The following PLD5 variants were observed in gnomAD, a reference collection of about 807,000 sequenced individuals.
PLD5 encodes the protein inactive phospholipase D5.
In PLD5, 36 loss-of-function variants were observed where a neutral mutation model predicts 61.1. The observed-to-expected ratio is 0.59, with a 90% CI of 0.45 to 0.78. The LOEUF (loss-of-function observed/expected upper bound fraction) is 0.78, where lower values mean the gene tolerates loss of function less well. PLD5 is among the 30% of genes least tolerant of loss of function. The probability of loss-of-function intolerance (pLI) is 0.00; values close to 1 mark genes in which losing one functional copy is unlikely to be tolerated. For missense variants in PLD5, 515 were observed against 644.4 expected, an observed-to-expected ratio of 0.80 and a Z score of 2.17; for synonymous variants, 243 against 242.8, an observed-to-expected ratio of 1.00 and a Z score of -0.01.
At chr1:242,526,316 G>C (rs115480209), upstream of PLD5, among the ~76,000 whole-genome samples, 4,066 of 152,264 alleles carry the variant, frequency 0.027, 185 homozygotes, top group African/African-American at 0.093. Flanking sequence ...AGCCTGGGAA[G>C]AGGAGGCAAC....
chr1:242,308,172 C>T (rs1325214606), intron 2 of PLD5, among the ~76,000 whole-genome samples: 2 of 152,034 alleles, frequency 1.3e-5, no homozygotes, highest in African/African-American at 2.4e-5. Context: ...TAAATTCAGG[C>T]TTCTGATTCA....
chr1:242,208,387 G>A (rs949248697), intron 5 of PLD5, among the ~76,000 whole-genome samples: 2 of 151,970 alleles, frequency 1.3e-5, no homozygotes, highest in Non-Finnish European at 2.9e-5. Flanking sequence ...CTTCACATTA[G>A]CATACACAGG....
intron 6 of PLD5, among the ~76,000 whole-genome samples, chr1:242,121,776 T>C (rs145524439): frequency 2.6e-5 from 4 of 152,064 alleles, no homozygotes; most frequent in Non-Finnish European, 5.9e-5. Context: ...AAAGGATGAG[T>C]TCACATCCTT....
chr1:242,303,233 A>G (rs796648673), intron 2 of PLD5, among the ~76,000 whole-genome samples: 3 of 152,308 alleles, frequency 2.0e-5, no homozygotes, highest in African/African-American at 7.2e-5. Context: ...CACACGCCCA[A>G]TGCTGGCAAT....
chr1:242,383,333 CAATTT>C (rs944727415), intron 1 of PLD5, among the ~76,000 whole-genome samples: 8 of 151,868 alleles, frequency 5.3e-5, no homozygotes, highest in African/African-American at 1.9e-4. Context: ...TTTATTAATT[CAATTT>C]ATTTTTAACT....
chr1:242,105,984 G>C (rs756094831), intron 8 of PLD5, among the ~76,000 whole-genome samples: 1 of 152,170 alleles, frequency 6.6e-6, no homozygotes. Flanking sequence ...AAACCAACCA[G>C]CTCATGCTAG....
intron 5 of PLD5, among the ~76,000 whole-genome samples, chr1:242,155,926 ATCTG>A (rs1574410720): frequency 6.6e-6 from 1 of 152,136 alleles, no homozygotes; most frequent in African/African-American, 2.4e-5. Flanking sequence ...TGTCTCATTG[ATCTG>A]TCTAATTTTG....
At chr1:242,414,653 G>A (rs1286452295) in intron 1 of PLD5, among the ~76,000 whole-genome samples, 6 of 152,144 alleles carry the variant, frequency 3.9e-5, no homozygotes, top group African/African-American at 9.6e-5. Flanking sequence ...TCAAAGACTC[G>A]GATGTAAATA....
chr1:242,274,194 T>C (rs1378816065), intron 3 of PLD5, among the ~76,000 whole-genome samples: 5 of 152,150 alleles, frequency 3.3e-5, no homozygotes, highest in Non-Finnish European at 7.4e-5. Flanking sequence ...TAAGAAAATC[T>C]GGAATAAATA....
chr1:242,512,415 CAAAAA>C (rs33990244), intron 1 of PLD5, among the ~76,000 whole-genome samples: 2 of 120,360 alleles, frequency 1.7e-5, no homozygotes, highest in Non-Finnish European at 3.4e-5. Context: ...GACTCCATCT[CAAAAA>C]AAAAAAAAAA....
chr1:242,392,495 T>C (rs1316984154), intron 1 of PLD5, among the ~76,000 whole-genome samples: 1 of 152,218 alleles, frequency 6.6e-6, no homozygotes, highest in Non-Finnish European at 1.5e-5. Flanking sequence ...TGGCTTCTCC[T>C]GCTGACCTGG....
At chr1:242,223,112 G>A (rs1374677978) in intron 4 of PLD5, among the ~76,000 whole-genome samples, 2 of 152,136 alleles carry the variant, frequency 1.3e-5, no homozygotes, top group Admixed American at 6.6e-5. Context: ...AGTGAAGGTC[G>A]ACTTTCTGGT....
intron 6 of PLD5, among the ~76,000 whole-genome samples, chr1:242,117,917 G>C (rs1662074059): frequency 6.6e-6 from 1 of 152,154 alleles, no homozygotes; most frequent in African/African-American, 2.4e-5. Context: ...ATGTGGAGAA[G>C]CTGAAGATCT....
At chr1:242,392,215 A>G (rs1326136988) in intron 1 of PLD5, among the ~76,000 whole-genome samples, 1 of 152,180 alleles carries the variant, frequency 6.6e-6, no homozygotes, top group Non-Finnish European at 1.5e-5. Context: ...CTGGGTACAT[A>G]TGGATATAAA....
intron 1 of PLD5, among the ~76,000 whole-genome samples, chr1:242,508,806 C>A (rs1191253974): frequency 6.6e-6 from 1 of 152,174 alleles, no homozygotes; most frequent in Non-Finnish European, 1.5e-5. Context: ...GAGGGCCAGG[C>A]ATAGTGGCTT....
intron 4 of PLD5, among the ~76,000 whole-genome samples, chr1:242,263,274 T>C (rs958151226): frequency 2.6e-5 from 4 of 151,706 alleles, no homozygotes; most frequent in East Asian, 1.9e-4. Context: ...AAATTGCTCA[T>C]GGCTTATTTT....
intron 4 of PLD5, among the ~76,000 whole-genome samples, chr1:242,239,657 G>A (rs553704265): frequency 6.6e-6 from 1 of 152,148 alleles, no homozygotes; most frequent in Non-Finnish European, 1.5e-5. Flanking sequence ...CTGCACAGCA[G>A]GTTCTGATGA....
At position 242,256,908 on chromosome 1, in the gene PLD5, CATCTATCT is replaced by C. The variant is rs71176734; in HGVS notation, c.607+8421_607+8428del. Among the ~76,000 whole-genome samples the C allele has an allele frequency of 0.012, 1,797 of 149,722 alleles. 36 individuals are homozygous for C. The highest frequency in any genetic ancestry group is 0.083 in the East Asian group (417 of 5,052). On this transcript the variant is annotated intron_variant, in intron 4 of 9. Transcript: ENST00000536534. The surrounding 1 kb of genome is among the most constrained non-coding windows in gnomAD (Gnocchi z 5.7). ...TCCCTCTTCTTTCTCTTTCTTTTTT[CATCTATCT>C]ATCTATCTATCTATCTAATCTATCT...
At chr1:242,355,626 T>C (rs949439138) in intron 1 of PLD5, among the ~76,000 whole-genome samples, 2 of 151,696 alleles carry the variant, frequency 1.3e-5, no homozygotes, top group African/African-American at 4.8e-5. Context: ...ATAATTCTTA[T>C]TTATTTTCTT....
Sources: allele counts gnomAD v4.1 joint callset (sites outside exome capture counted in the v4.1 genomes callset), GRCh38; gene constraint gnomAD v4.1.1; non-coding constraint Gnocchi (gnomAD v3.1); transcripts MANE v1.5; gene names NCBI Gene and HGNC (gene_info 2026-07-23, HGNC 2026-07-21).